KLF15: variants seen among roughly 807,000 people sequenced by gnomAD.
KLF15 encodes KLF transcription factor 15, also known as Krueppel-like factor 15.
Under a neutral mutation model 24.6 loss-of-function variants are expected in KLF15, and 4 were observed. The observed-to-expected ratio is 0.16, with a 90% CI of 0.08 to 0.37. The LOEUF is 0.37. KLF15 is among the 10% of genes least tolerant of loss of function. The pLI, the probability that KLF15 is intolerant of heterozygous loss-of-function variation, is 1.00. For synonymous variants in KLF15, 246 were observed against 236.3 expected, an observed-to-expected ratio of 1.04 and a Z score of -0.37; for missense variants, 496 against 560.6, an observed-to-expected ratio of 0.88 and a Z score of 1.16.
At chr3:126,323,428 T>TAAC in the KLF15 span, among the ~76,000 whole-genome samples, 12 of 45,820 alleles carry the variant, frequency 2.6e-4, no homozygotes, top group African/African-American at 8.5e-4. Context: ...TATATATATA[T>TAAC]ATATATAACA....
chr3:126,326,533 G>C, the KLF15 span, among the ~76,000 whole-genome samples: 1 of 152,260 alleles, frequency 6.6e-6, no homozygotes, highest in Non-Finnish European at 1.5e-5. Context: ...TGATGATACA[G>C]GTTGTAGCTG....
At chr3:126,313,666 A>G in the KLF15 span, among the ~76,000 whole-genome samples, 9 of 152,030 alleles carry the variant, frequency 5.9e-5, no homozygotes, top group Admixed American at 5.9e-4. Context: ...GCATGGCTCA[A>G]CCCCACCTTC....
the KLF15 span, among the ~76,000 whole-genome samples, chr3:126,304,675 A>G: frequency 6.6e-6 from 1 of 152,164 alleles, no homozygotes; most frequent in East Asian, 1.9e-4. Context: ...TTGACATCTA[A>G]AGTTTTGAAT....
chr3:126,301,948 T>TTCC, the KLF15 span, among the ~76,000 whole-genome samples: 1 of 151,458 alleles, frequency 6.6e-6, no homozygotes, highest in Non-Finnish European at 1.5e-5. Flanking sequence ...CTTTTTTTTT[T>TTCC]CCTAGTTTCT....
the KLF15 span, among the ~76,000 whole-genome samples, chr3:126,302,063 T>G: frequency 2.0e-5 from 3 of 152,178 alleles, no homozygotes; most frequent in Admixed American, 2.0e-4. Context: ...CATCTGCAAG[T>G]ATTAATATGT....
the KLF15 span, among the ~76,000 whole-genome samples, chr3:126,305,877 T>C: frequency 6.6e-6 from 1 of 152,232 alleles, no homozygotes; most frequent in Non-Finnish European, 1.5e-5. Flanking sequence ...CTTTAGACTG[T>C]CTTTGTGATT....
chr3:126,316,030 C>T, the KLF15 span, among the ~76,000 whole-genome samples: 4 of 152,228 alleles, frequency 2.6e-5, no homozygotes, highest in Non-Finnish European at 5.9e-5. Flanking sequence ...TGCTGTCTGT[C>T]TCTGTGCAAG....
the KLF15 span, among the ~76,000 whole-genome samples, chr3:126,307,091 T>C: frequency 6.6e-6 from 1 of 152,180 alleles, no homozygotes; most frequent in Non-Finnish European, 1.5e-5. Flanking sequence ...TGTCACCTCC[T>C]TTACATACCC....
the KLF15 span, among the ~76,000 whole-genome samples, chr3:126,317,851 C>G: frequency 6.6e-6 from 1 of 152,200 alleles, no homozygotes; most frequent in Admixed American, 6.5e-5. Context: ...GTGTCTCTCA[C>G]TATGTCTTCT....
rs181272477 is a variant in KLF15, at chr3:126,349,483, C to T, written c.1082+2358G>A. Among the ~76,000 whole-genome samples, 105 of 152,320 alleles carry T rather than the reference C, an allele frequency of 6.9e-4. 1 individual carries two copies. In the East Asian group the frequency reaches 0.016, roughly 23 times the overall value. On this transcript the variant is annotated intron_variant, in intron 2 of 2. Coordinates refer to ENST00000296233, the MANE Select transcript of KLF15 (RefSeq NM_014079.4). ...ATGTGTCAGAGCTGAATCCCCTCCA[C>T]AGGTCCCCACTCTCTCATGTACACC...
chr3:126,340,284 A>G (rs2082470524), downstream of KLF15, among the ~76,000 whole-genome samples: 1 of 152,232 alleles, frequency 6.6e-6, no homozygotes, highest in Admixed American at 6.5e-5. Context: ...AGGCTGAGTT[A>G]CTGAGTTCCG....
chr3:126,326,808 T>A, the KLF15 span, among the ~76,000 whole-genome samples: 17 of 152,348 alleles, frequency 1.1e-4, no homozygotes, highest in South Asian at 3.5e-3. Context: ...TAACTAGAGT[T>A]TAATTTTAAA....
chr3:126,302,788 T>C, the KLF15 span, among the ~76,000 whole-genome samples: 2 of 152,130 alleles, frequency 1.3e-5, no homozygotes, highest in African/African-American at 4.8e-5. Flanking sequence ...ATTTGTGACT[T>C]TATTTTTGAA....
intron 1 of KLF15, among the ~76,000 whole-genome samples, chr3:126,353,619 C>G (rs1019291797): frequency 3.3e-5 from 5 of 152,232 alleles, no homozygotes; most frequent in Non-Finnish European, 5.9e-5. Flanking sequence ...TGCATTTTAA[C>G]TGGGCAAGTG....
At chr3:126,320,953 T>C in the KLF15 span, among the ~76,000 whole-genome samples, 22 of 152,098 alleles carry the variant, frequency 1.4e-4, no homozygotes, top group African/African-American at 5.1e-4. Flanking sequence ...GGAATTCTTC[T>C]ATTTGATCCT....
intron 2 of KLF15, among the ~76,000 whole-genome samples, chr3:126,344,549 T>G (rs2082515733): frequency 1.3e-5 from 2 of 152,144 alleles, no homozygotes; most frequent in Admixed American, 6.5e-5. Context: ...AGGCCACAGG[T>G]GCACTCAGTC....
the KLF15 span, among the ~76,000 whole-genome samples, chr3:126,290,506 A>ACCTTCTTTCCTT: frequency 6.9e-6 from 1 of 144,604 alleles, no homozygotes; most frequent in East Asian, 2.0e-4. Flanking sequence ...CTTCCTTCCT[A>ACCTTCTTTCCTT]CCTTCCTTCC....
chr3:126,339,072 C>T (rs774466535), downstream of KLF15, among the ~76,000 whole-genome samples: 1 of 152,192 alleles, frequency 6.6e-6, no homozygotes, highest in Non-Finnish European at 1.5e-5. Flanking sequence ...CCAAGGGAGG[C>T]TGACAGTGGG....
the KLF15 span, chr3:126,290,919 T>A: frequency 6.6e-6 from 1 of 152,264 alleles, no homozygotes; most frequent in East Asian, 1.9e-4. Flanking sequence ...TTTTTGAATC[T>A]TTTTTATCTT....
Sources: allele counts gnomAD v4.1 joint callset (sites outside exome capture counted in the v4.1 genomes callset), GRCh38; gene constraint gnomAD v4.1.1; transcripts MANE v1.5; gene names NCBI Gene and HGNC (gene_info 2026-07-23, HGNC 2026-07-21).